The following PNPLA6 variants were observed in gnomAD, a reference collection of about 807,000 sequenced individuals.
PNPLA6 encodes patatin-like phospholipase domain-containing protein 6.
PNPLA6 carries 105 observed loss-of-function variants against 153.7 expected under a neutral mutation model. The observed-to-expected ratio is 0.68, with a 90% CI of 0.58 to 0.80. The LOEUF (loss-of-function observed/expected upper bound fraction) is 0.80. Ranked by LOEUF, PNPLA6 falls within the 30% of genes least tolerant of loss-of-function variation. The pLI is 0.00. For missense variants in PNPLA6, 1,423 were observed against 1,919.3 expected (o/e 0.74, Z 4.83); for synonymous variants, 825 against 822.2 (o/e 1.00, Z -0.06).
Position 7,550,648 on chromosome 19 carries a change from C to T in PNPLA6, c.2070+8C>T. On this transcript the variant is annotated splice_region_variant and intron_variant, in intron 16 of 31. Transcript: ENST00000600737. ...GGCGACCTCATCGGCGTGGTGAGCG[C>T]GACCCCCACCCACTGACCTCTGGCC... 1 of 1,609,752 alleles carries T rather than the reference C, an allele frequency of 6.2e-7. No individual in the cohort carries two copies. The highest frequency in any genetic ancestry group is 2.2e-5 in the East Asian group (1 of 44,842).
intron 13 of PNPLA6, among the ~76,000 whole-genome samples, chr19:7,546,652 G>A (rs976259100): frequency 4.0e-5 from 6 of 151,872 alleles, no homozygotes; most frequent in Non-Finnish European, 5.9e-5. Flanking sequence ...GAGGTGATCC[G>A]CCTGCCTCAC....
chr19:7,541,608 C>T lies in PNPLA6; in HGVS notation c.1092C>T (p.Thr364=). Residue 364 remains threonine (T), a synonymous_variant, in exon 9 of 32, where the codon ACC becomes ACT. Transcript: ENST00000600737. The surrounding 1 kb of genome is among the most constrained non-coding windows in gnomAD (Gnocchi z 5.2). ...PVRGSKRMVS[T]SATDEPRETP... is the part of the protein sequence containing the mutation. ...GGGGCTCCAAGAGAATGGTCAGCAC[C>T]TCAGCTACAGACGAGCCCAGGGAGA... 3 of 1,593,714 alleles carry T rather than the reference C, an allele frequency of 1.9e-6. No homozygotes were observed. Among genetic ancestry groups the T allele is most frequent in the Non-Finnish European group, 2.6e-6 (3 of 1,170,482 alleles).
rs2023839377 is a variant in PNPLA6 at position 7,555,516 on chromosome 19, C to T, written c.2937-91C>T. 6.8e-7 allele frequency: 1 copy of T among 1,478,212 alleles called. No homozygotes were observed. Among genetic ancestry groups the T allele is most frequent in the East Asian group, 2.4e-5 (1 of 42,476 alleles). 91.6% of individuals were successfully genotyped at this position (1,478,212 alleles called of 1,614,324 possible). A position where few individuals can be genotyped will look rare whatever the true frequency, so the allele number is the denominator to read the frequency against. ...CGTGGGTAGGGGCGGGTCCTTTGTT[C>T]CTTAGCAGTGCGGGAGGTGGGAGGA... On this transcript the variant is annotated intron_variant, in intron 23 of 31. Coordinates refer to ENST00000600737, the MANE Select transcript of PNPLA6 (RefSeq NM_001166114.2). This position sits in a 1 kb window ranked among gnomAD's most constrained non-coding sequence, Gnocchi z 6.3.
At chr19:7,535,480 C>G, upstream of PNPLA6, 1 of 1,497,564 alleles carries the variant, frequency 6.7e-7, no homozygotes, top group Non-Finnish European at 9.1e-7. This position sits in a 1 kb window ranked among gnomAD's most constrained non-coding sequence, Gnocchi z 5.0. Flanking sequence ...ACGACTTGCA[C>G]GGGTTCCTTC....
At chr19:7,542,496 G>A in intron 10 of PNPLA6, 65 bp from the exon 11 acceptor site, 1 of 1,240,886 alleles carries the variant, frequency 8.1e-7, no homozygotes, top group African/African-American at 1.5e-5. Flanking sequence ...CACTACACCT[G>A]GCTCATTTTT....
In PNPLA6 at chr19:7,541,264, A is replaced by G. The variant is rs1425123040; in HGVS notation, c.925-90A>G. 4.0e-6 allele frequency: 5 copies of G among 1,237,102 alleles called. No individual in the cohort carries two copies. Among genetic ancestry groups the G allele is most frequent in the Non-Finnish European group, 5.8e-6 (5 of 860,628 alleles). The allele number at this position is 1,237,102 out of a possible 1,614,324, so 76.6% of individuals were successfully genotyped here. A position where few individuals can be genotyped will look rare whatever the true frequency, so the allele number is the denominator to read the frequency against. ...TGGGTCTCTCCCTGGTTCCCGCCCG[A>G]CCCCTTATGCTGCGAACTAGCCCGG... On this transcript the variant is annotated intron_variant, in intron 7 of 31. Coordinates refer to ENST00000600737, the MANE Select transcript of PNPLA6 (RefSeq NM_001166114.2). This position sits in a 1 kb window ranked among gnomAD's most constrained non-coding sequence, Gnocchi z 5.2.
In PNPLA6 at chr19:7,540,437, C is replaced by T. The variant is rs2023079491; in HGVS notation, c.714+129C>T. 1.3e-5 allele frequency: 15 copies of T among 1,141,590 alleles called. No homozygotes were observed. The Admixed American group carries it at 3.2e-4, about 25-fold the overall frequency. 70.7% of individuals were successfully genotyped at this position (1,141,590 alleles called of 1,614,324 possible). A position where few individuals can be genotyped will look rare whatever the true frequency, so the allele number is the denominator to read the frequency against. Reference sequence around the variant, plus strand: ...AGTCAGGGGAACGGGTGACCGAGGACATTTGGGGTAGTCTGCGTAGTTGCT... The same window carrying T: ...AGTCAGGGGAACGGGTGACCGAGGATATTTGGGGTAGTCTGCGTAGTTGCT... On this transcript the variant is annotated intron_variant, in intron 5 of 31. Coordinates refer to ENST00000600737, the MANE Select transcript of PNPLA6 (RefSeq NM_001166114.2). The surrounding 1 kb of genome is among the most constrained non-coding windows in gnomAD (Gnocchi z 6.8).
chr19:7,555,847 C>T lies in PNPLA6; in HGVS notation c.3093+84C>T, dbSNP rs2023856034. 9.0e-6 allele frequency: 13 copies of T among 1,437,618 alleles called. No homozygotes were observed. Among genetic ancestry groups the T allele is most frequent in the Non-Finnish European group, 1.9e-6 (2 of 1,032,988 alleles). The allele number at this position is 1,437,618 out of a possible 1,614,324, so 89.1% of individuals were successfully genotyped here. The stretch of plus-strand genomic sequence containing the variant: ...AACCTAACCTGATCCCATGGGGGAG[C>T]CTCCGGGGTCAGGGTGACCCTTCCT... On this transcript the variant is annotated intron_variant, in intron 24 of 31. Coordinates refer to ENST00000600737, the MANE Select transcript of PNPLA6 (RefSeq NM_001166114.2). This position sits in a 1 kb window ranked among gnomAD's most constrained non-coding sequence, Gnocchi z 6.3.
Position 7,540,914 on chromosome 19 carries a change from CT to C in PNPLA6, c.796-8del. ...CCCTTGTCTCTCTTCACGCCCTCCC[CT>C]CCCCCAGGGTCACCAGCATCCCCAG... is the stretch of plus-strand genomic sequence containing the variant. On this transcript the variant is annotated splice_polypyrimidine_tract_variant and splice_region_variant and intron_variant, in intron 6 of 31. Transcript: ENST00000600737. This position sits in a 1 kb window ranked among gnomAD's most constrained non-coding sequence, Gnocchi z 6.8. 1.9e-6 allele frequency: 3 copies of C among 1,613,046 alleles called. No homozygotes were observed. The highest frequency in any genetic ancestry group is 2.5e-6 in the Non-Finnish European group (3 of 1,179,918).
At chr19:7,560,586 G>A (rs1407209453) in intron 28 of PNPLA6, 62 bp from the exon 29 acceptor site, 11 of 1,138,030 alleles carry the variant, frequency 9.7e-6, no homozygotes, top group African/African-American at 1.5e-5. Context: ...AGAATGGGCA[G>A]ACAGAGTGGG....
rs1370160653 is a variant in PNPLA6, at chr19:7,539,997, G to A, written c.493G>A (p.Glu165Lys). The change falls in exon 4 of 32, where the codon GAG (glutamate) becomes AAG (lysine). Residue 165 changes from glutamate to lysine, a missense_variant. This residue lies in a region of PNPLA6 where 74 missense variants were observed against 171.3 expected (regional missense o/e 0.43). Coordinates refer to ENST00000600737, the MANE Select transcript of PNPLA6 (RefSeq NM_001166114.2). ...CGCAGTGCTAGAAGCTGACCTGACC[G>A]AGGGCGACCTGGCTAACTCCCATCT... ...PPAVLEADLT[E>K]GDLANSHLPS... 47 of 1,597,720 alleles carry A rather than the reference G, an allele frequency of 2.9e-5. No individual in the cohort carries two copies. The highest frequency in any genetic ancestry group is 3.7e-5 in the Non-Finnish European group (43 of 1,172,258).
At chr19:7,560,181 TAAA>T (rs2024041935) in intron 28 of PNPLA6, among the ~76,000 whole-genome samples, 1 of 152,018 alleles carries the variant, frequency 6.6e-6, no homozygotes, top group Non-Finnish European at 1.5e-5. Context: ...ATAAAAATAA[TAAA>T]AATTTTTTTA....
chr19:7,536,074 C>T lies in PNPLA6; in HGVS notation c.232+54C>T, dbSNP rs546791377. 1.1e-4 allele frequency: 179 copies of T among 1,575,698 alleles called. No individual in the cohort carries two copies. The African/African-American group carries it at 2.0e-3, about 18-fold the overall frequency. On this transcript the variant is annotated intron_variant, in intron 1 of 31. Transcript: ENST00000600737. The stretch of plus-strand genomic sequence containing the variant: ...GGCTGTATGGTGGGGGGCCCAAATG[C>T]CCGGGTCCCGAGGCGGCAGAGATGG...
chr19:7,535,660 A>G (rs149834715), upstream of PNPLA6: 2 of 1,547,072 alleles, frequency 1.3e-6, no homozygotes, highest in Non-Finnish European at 1.7e-6. The surrounding 1 kb of genome is among the most constrained non-coding windows in gnomAD (Gnocchi z 5.0). Context: ...AGCGCGCATT[A>G]CGTGGTCTGG....
rs771958835 is a variant in PNPLA6 at position 7,556,588 on chromosome 19, C to G, written c.3210+19C>G. The G allele has an allele frequency of 6.3e-7, 1 of 1,584,160 alleles. No individual in the cohort carries two copies. The highest frequency in any genetic ancestry group is 8.7e-7 in the Non-Finnish European group (1 of 1,152,772). On this transcript the variant is annotated intron_variant, in intron 25 of 31. Coordinates refer to ENST00000600737, the MANE Select transcript of PNPLA6 (RefSeq NM_001166114.2). ...GATTGAGGTAGGCCCACCTCATCCC[C>G]TGCCCTGCCTACCCCTCCCCGGAGG...
intron 27 of PNPLA6, among the ~76,000 whole-genome samples, chr19:7,558,586 C>A (rs1351688269): frequency 6.6e-6 from 1 of 152,142 alleles, no homozygotes; most frequent in South Asian, 2.1e-4. Context: ...GAGCCCAGAT[C>A]GTGCCATTGC....
intron 13 of PNPLA6, among the ~76,000 whole-genome samples, chr19:7,544,173 A>T: frequency 6.9e-6 from 1 of 144,006 alleles, no homozygotes; most frequent in East Asian, 2.2e-4. Context: ...GTGCAGTGGC[A>T]CAATCTCAGC....
Position 7,539,891 on chromosome 19 carries a change from C to A in PNPLA6, c.414-27C>A, listed in dbSNP as rs543377698. ...CTGAGCCTTCTCCGTGCCCCCCTCACCCCCGGCACCCCTCCCCTCCCACCA... is the reference window on the plus strand; with the variant it reads ...CTGAGCCTTCTCCGTGCCCCCCTCAACCCCGGCACCCCTCCCCTCCCACCA... On this transcript the variant is annotated intron_variant, in intron 3 of 31. Coordinates refer to ENST00000600737, the MANE Select transcript of PNPLA6 (RefSeq NM_001166114.2). 2,615 of 1,461,626 alleles carry A rather than the reference C, an allele frequency of 1.8e-3. 3 individuals carry two copies. The highest frequency in any genetic ancestry group is 2.4e-3 in the Middle Eastern group (10 of 4,218). 90.5% of individuals were successfully genotyped at this position (1,461,626 alleles called of 1,614,324 possible).
At chr19:7,546,296 G>A (rs960686119) in intron 13 of PNPLA6, among the ~76,000 whole-genome samples, 4 of 152,076 alleles carry the variant, frequency 2.6e-5, no homozygotes, top group Non-Finnish European at 4.4e-5. Flanking sequence ...TGGTTTTATT[G>A]AGCTATAATT....
Sources: gnomAD v4.1 joint callset for allele counts (sites outside exome capture counted in the v4.1 genomes callset) on GRCh38, gnomAD v4.1.1 for gene constraint, gnomAD v4.1.1 regional missense constraint, Gnocchi (gnomAD v3.1) non-coding constraint, MANE v1.5 for transcripts, NCBI Gene and HGNC (gene_info 2026-07-23, HGNC 2026-07-21) for gene names.